NTM: variants seen among roughly 807,000 people sequenced by gnomAD.
The protein encoded by NTM is neurotrimin, also known as IgLON family member 2.
NTM carries 13 observed loss-of-function variants against 42.1 expected under a neutral mutation model. The ratio of observed to expected loss-of-function variants is 0.31; its 90% confidence interval spans 0.20 to 0.49. The LOEUF (loss-of-function observed/expected upper bound fraction) is 0.49. Among genes scored for constraint, NTM ranks in the 20% least tolerant of loss-of-function variants. NTM has a pLI of 0.99. For missense variants in NTM, 373 were observed against 452.8 expected (o/e 0.82, Z 1.60); for synonymous variants, 187 against 179.2 (o/e 1.04, Z -0.35).
At chr11:131,745,679 A>T (rs2081735541) in intron 1 of NTM, among the ~76,000 whole-genome samples, 1 of 152,080 alleles carries the variant, frequency 6.6e-6, no homozygotes. Flanking sequence ...CCATTTTGTT[A>T]CTTGTAAAAT....
At chr11:132,226,826 T>C (rs1261860408) in intron 4 of NTM, among the ~76,000 whole-genome samples, 1 of 152,226 alleles carries the variant, frequency 6.6e-6, no homozygotes, top group Admixed American at 6.5e-5. Context: ...ATTGATTAGA[T>C]GAAGTTTGTG....
At chr11:132,069,883 C>A (rs2057228313) in intron 2 of NTM, among the ~76,000 whole-genome samples, 2 of 149,716 alleles carry the variant, frequency 1.3e-5, no homozygotes, top group Admixed American at 6.6e-5. Flanking sequence ...CACTGACCGT[C>A]ACAGGTTAGT....
intron 2 of NTM, among the ~76,000 whole-genome samples, chr11:132,009,489 G>A (rs76883318): frequency 2.7e-3 from 417 of 152,332 alleles, no homozygotes; most frequent in African/African-American, 9.6e-3. Context: ...AAGGGATGTC[G>A]TTTCTGGCAC....
intron 6 of NTM, among the ~76,000 whole-genome samples, chr11:132,313,154 G>T (rs1285048509): frequency 7.2e-6 from 1 of 138,090 alleles, no homozygotes; most frequent in Admixed American, 7.4e-5. Context: ...TAATGACAAA[G>T]CAGCTGCACT....
chr11:132,194,814 C>CTTTTTTTT (rs902871492), intron 3 of NTM, among the ~76,000 whole-genome samples: 3 of 110,650 alleles, frequency 2.7e-5, no homozygotes, highest in Non-Finnish European at 3.5e-5. Flanking sequence ...GCATTTCTTC[C>CTTTTTTTT]TTTTTTTTTT....
intron 3 of NTM, among the ~76,000 whole-genome samples, chr11:132,208,273 G>T (rs905158157): frequency 6.6e-6 from 1 of 152,180 alleles, no homozygotes; most frequent in African/African-American, 2.4e-5. Flanking sequence ...ACTAGAAGTT[G>T]CCACCTAGAA....
chr11:131,956,542 G>A (rs2061573643), intron 2 of NTM, among the ~76,000 whole-genome samples: 1 of 151,236 alleles, frequency 6.6e-6, no homozygotes. Context: ...GGAAGCTTGG[G>A]TCATCTCCTG....
chr11:132,115,355 G>A (rs191058912), intron 2 of NTM, among the ~76,000 whole-genome samples: 3 of 152,176 alleles, frequency 2.0e-5, no homozygotes, highest in Admixed American at 6.5e-5. Flanking sequence ...TGATAGACAT[G>A]TTAATTAGCC....
chr11:131,548,223 T>A (rs1337817099), intron 1 of NTM, among the ~76,000 whole-genome samples: 1 of 152,166 alleles, frequency 6.6e-6, no homozygotes, highest in East Asian at 1.9e-4. Context: ...TTCTTTAATC[T>A]TAGCAAGAAT....
At chr11:131,660,186 T>G (rs2067795253) in intron 1 of NTM, 5 of 247,926 alleles carry the variant, frequency 2.0e-5, no homozygotes, top group Middle Eastern at 4.6e-4. Context: ...CCCGTAGGAC[T>G]CGGGTGGGCC....
intron 1 of NTM, chr11:131,877,831 G>C (rs2048760992): frequency 6.6e-6 from 1 of 152,180 alleles, no homozygotes; most frequent in Non-Finnish European, 1.5e-5. Context: ...TTTGGAGTCA[G>C]GGGCTCAGAG....
Position 132,317,607 on chromosome 11 carries a change from T to TGTG in NTM, c.934+2905_934+2907dup, listed in dbSNP as rs1417068415. The TGTG allele has an allele frequency of 5.3e-6, 6 of 1,134,444 alleles. No individual in the cohort carries two copies. The African/African-American group carries it at 9.6e-5, about 18-fold the overall frequency. 70.3% of individuals were successfully genotyped at this position (1,134,444 alleles called of 1,614,324 possible). On this transcript the variant is annotated intron_variant, in intron 7 of 8. Coordinates refer to ENST00000683400, the MANE Select transcript of NTM (RefSeq NM_001352005.2). ...AATATATAGCACTGTATATAATATA[T>TGTG]GTGTTTGTTCTCATTTTTCTCTCCT...
At chr11:131,420,397 C>T (rs1414406662) in intron 1 of NTM, among the ~76,000 whole-genome samples, 1 of 152,200 alleles carries the variant, frequency 6.6e-6, no homozygotes, top group Non-Finnish European at 1.5e-5. Flanking sequence ...GTAGAACCAG[C>T]TCCGCAGCAC....
intron 1 of NTM, among the ~76,000 whole-genome samples, chr11:131,565,492 G>A (rs2056782514): frequency 4.6e-5 from 7 of 152,124 alleles, no homozygotes; most frequent in South Asian, 4.1e-4. Context: ...TACACAGCTC[G>A]GTTGCTGGCA....
intron 1 of NTM, among the ~76,000 whole-genome samples, chr11:131,562,501 G>A (rs1470474197): frequency 1.3e-5 from 2 of 152,050 alleles, no homozygotes; most frequent in Non-Finnish European, 2.9e-5. Context: ...GGGTTCCACT[G>A]CTCTCCTGCA....
intron 1 of NTM, among the ~76,000 whole-genome samples, chr11:131,824,983 T>C (rs1399597717): frequency 6.6e-6 from 1 of 152,134 alleles, no homozygotes; most frequent in Non-Finnish European, 1.5e-5. Context: ...TATTGCGAAA[T>C]GGATGGACTA....
At chr11:131,760,570 C>T (rs1225416441) in intron 1 of NTM, among the ~76,000 whole-genome samples, 2 of 152,152 alleles carry the variant, frequency 1.3e-5, no homozygotes, top group Non-Finnish European at 2.9e-5. Context: ...AGTACAAAGA[C>T]GTTAGTCAGG....
intron 2 of NTM, among the ~76,000 whole-genome samples, chr11:131,941,662 C>T (rs140479463): frequency 1.3e-5 from 2 of 152,266 alleles, no homozygotes; most frequent in African/African-American, 4.8e-5. Flanking sequence ...ACCACAAGCC[C>T]GTGAGGTGTC....
chr11:131,749,585 G>GT (rs577216650), intron 1 of NTM, among the ~76,000 whole-genome samples: 9 of 152,140 alleles, frequency 5.9e-5, no homozygotes, highest in East Asian at 3.9e-4. Flanking sequence ...CATTGTCACT[G>GT]TTTTTTTGTT....
Sources: allele counts gnomAD v4.1 joint callset (sites outside exome capture counted in the v4.1 genomes callset), GRCh38; gene constraint gnomAD v4.1.1; transcripts MANE v1.5; gene names NCBI Gene and HGNC (gene_info 2026-07-23, HGNC 2026-07-21).